The following PRKG1 variants were observed in gnomAD, a reference collection of about 807,000 sequenced individuals.
PRKG1 encodes the protein protein kinase cGMP-dependent 1, also known as cGMP-dependent protein kinase 1.
PRKG1 carries 35 observed loss-of-function variants against 88.1 expected under a neutral mutation model. The observed-to-expected ratio is 0.40, with a 90% CI of 0.30 to 0.53. PRKG1 has a LOEUF of 0.53. Ranked by LOEUF, PRKG1 falls within the 20% of genes least tolerant of loss-of-function variation. The pLI is 0.59. For missense variants in PRKG1, 540 were observed against 839.8 expected (o/e 0.64, Z 4.41); for synonymous variants, 303 against 292.5 (o/e 1.04, Z -0.37).
At chr10:51,046,118 C>T (rs1843485631) in intron 1 of PRKG1, among the ~76,000 whole-genome samples, 1 of 152,216 alleles carries the variant, frequency 6.6e-6, no homozygotes, top group African/African-American at 2.4e-5. Flanking sequence ...ACAGTAAGAG[C>T]ATGTGAAAAC....
In PRKG1 at chr10:52,062,480, T is replaced by A. The variant is rs532938079; in HGVS notation, c.841-57T>A. ...CGGAATTAACTTCATTAATTAGTGTTCCTTTGTCCATTGTGGGTAAGCAGT... is the reference window on the plus strand; with the variant it reads ...CGGAATTAACTTCATTAATTAGTGTACCTTTGTCCATTGTGGGTAAGCAGT... On this transcript the variant is annotated intron_variant, in intron 6 of 17. Coordinates refer to ENST00000373980, the MANE Select transcript of PRKG1 (RefSeq NM_006258.4). 13 of 1,070,622 alleles carry A rather than the reference T, an allele frequency of 1.2e-5. No homozygotes were observed. In the African/African-American group the frequency reaches 1.9e-4, roughly 16 times the overall value. 66.3% of individuals were successfully genotyped at this position (1,070,622 alleles called of 1,614,324 possible). A position where few individuals can be genotyped will look rare whatever the true frequency, so the allele number is the denominator to read the frequency against.
chr10:51,735,887 T>G (rs1375663297), intron 3 of PRKG1, among the ~76,000 whole-genome samples: 2 of 125,984 alleles, frequency 1.6e-5, no homozygotes, highest in Non-Finnish European at 1.6e-5. Context: ...ATATGTATAT[T>G]TATTTATTTA....
intron 5 of PRKG1, among the ~76,000 whole-genome samples, chr10:52,024,404 T>A (rs1373052690): frequency 1.3e-5 from 2 of 152,164 alleles, no homozygotes; most frequent in Admixed American, 6.5e-5. Context: ...TGTGTATACA[T>A]GTGCCGTGTT....
intron 2 of PRKG1, among the ~76,000 whole-genome samples, chr10:51,278,863 G>A (rs994997700): frequency 6.6e-6 from 1 of 151,816 alleles, no homozygotes; most frequent in South Asian, 2.1e-4. Flanking sequence ...TATTAGTATT[G>A]CTAGCGGTCA....
chr10:52,036,618 G>A (rs549406275), intron 5 of PRKG1, among the ~76,000 whole-genome samples: 279 of 151,944 alleles, frequency 1.8e-3, no homozygotes, highest in African/African-American at 6.4e-3. Flanking sequence ...GGGTTAAGGT[G>A]GGGGGATACA....
chr10:52,107,555 C>T (rs772203220), intron 7 of PRKG1, among the ~76,000 whole-genome samples: 18 of 152,148 alleles, frequency 1.2e-4, no homozygotes, highest in Non-Finnish European at 2.2e-4. Context: ...CATTATTACA[C>T]GTTTCTTCTG....
At chr10:52,033,039 G>C (rs1234732478) in intron 5 of PRKG1, among the ~76,000 whole-genome samples, 1 of 152,118 alleles carries the variant, frequency 6.6e-6, no homozygotes, top group Admixed American at 6.6e-5. Flanking sequence ...TATCCTAGCA[G>C]GGAGAGAGAC....
intron 3 of PRKG1, among the ~76,000 whole-genome samples, chr10:51,744,199 T>C (rs1243076271): frequency 6.6e-6 from 1 of 152,186 alleles, no homozygotes; most frequent in Non-Finnish European, 1.5e-5. Flanking sequence ...TAATTCTCCC[T>C]ACCACTGTGA....
intron 8 of PRKG1, among the ~76,000 whole-genome samples, chr10:52,137,312 CTTA>C (rs1030899252): frequency 7.2e-5 from 11 of 151,942 alleles, no homozygotes; most frequent in African/African-American, 2.4e-4. Context: ...TTGTAGTCTA[CTTA>C]TTATCTTAAT....
chr10:51,278,906 TC>T (rs1373968396), intron 2 of PRKG1, among the ~76,000 whole-genome samples: 1 of 152,172 alleles, frequency 6.6e-6, no homozygotes, highest in Non-Finnish European at 1.5e-5. Context: ...AAAAACCAGC[TC>T]CTGGATTCAT....
At chr10:51,970,894 T>A (rs967193008) in intron 5 of PRKG1, among the ~76,000 whole-genome samples, 2 of 150,010 alleles carry the variant, frequency 1.3e-5, no homozygotes, top group African/African-American at 4.9e-5. Context: ...TAAGAAAATA[T>A]GGACTAGAGT....
At position 51,049,717 on chromosome 10, in the gene PRKG1, C is replaced by T. The variant is rs1843537195; in HGVS notation, c.266+58073C>T. On this transcript the variant is annotated intron_variant, in intron 1 of 17. Coordinates refer to the PRKG1 transcript ENST00000401604. ...CTATGTTTTGTGTTATGTATTTTAC[C>T]ACCTAGTGACACCTTCACAGGGTCT... 2.0e-5 allele frequency among the ~76,000 whole-genome samples: 3 copies of T among 152,112 alleles called. 1 individual carries two copies. In the South Asian group the frequency reaches 6.2e-4, roughly 32 times the overall value.
chr10:51,582,372 T>C (rs1229721309), intron 3 of PRKG1, among the ~76,000 whole-genome samples: 1 of 152,158 alleles, frequency 6.6e-6, no homozygotes, highest in Non-Finnish European at 1.5e-5. Flanking sequence ...CACAGGTTTG[T>C]TACATAGGTA....
chr10:51,299,960 C>T (rs1470799248), intron 2 of PRKG1, among the ~76,000 whole-genome samples: 1 of 152,140 alleles, frequency 6.6e-6, no homozygotes, highest in East Asian at 1.9e-4. Flanking sequence ...TCTGCTCAAC[C>T]TAACATTTCT....
At chr10:52,247,270 T>C (rs1841049367) in intron 9 of PRKG1, among the ~76,000 whole-genome samples, 1 of 152,214 alleles carries the variant, frequency 6.6e-6, no homozygotes, top group Non-Finnish European at 1.5e-5. Context: ...AGCAACCAAA[T>C]ACCAGAAACT....
chr10:51,610,801 A>G (rs1047757385), intron 3 of PRKG1, among the ~76,000 whole-genome samples: 6 of 152,200 alleles, frequency 3.9e-5, no homozygotes, highest in East Asian at 1.9e-4. Flanking sequence ...ACAGAAAGCT[A>G]AACACTGCAT....
intron 3 of PRKG1, among the ~76,000 whole-genome samples, chr10:51,603,538 A>C (rs1343988581): frequency 6.6e-6 from 1 of 152,170 alleles, no homozygotes; most frequent in Non-Finnish European, 1.5e-5. Flanking sequence ...AATAAGATAA[A>C]AAGGGTTTTG....
chr10:51,325,421 A>G (rs2132517245), intron 2 of PRKG1, among the ~76,000 whole-genome samples: 1 of 151,872 alleles, frequency 6.6e-6, no homozygotes, highest in South Asian at 2.1e-4. Context: ...CTGGTCTCGA[A>G]CTCCTGACCT....
At chr10:51,068,020 A>G (rs781730821) in intron 1 of PRKG1, among the ~76,000 whole-genome samples, 2 of 152,078 alleles carry the variant, frequency 1.3e-5, no homozygotes, top group African/African-American at 2.4e-5. Flanking sequence ...ATAATGTTGT[A>G]GTTAGTTACA....
Sources: allele counts gnomAD v4.1 joint callset (sites outside exome capture counted in the v4.1 genomes callset), GRCh38; gene constraint gnomAD v4.1.1; transcripts MANE v1.5; gene names NCBI Gene and HGNC (gene_info 2026-07-23, HGNC 2026-07-21).